Variants in RNPEPL1 observed in about 807,000 individuals in gnomAD.
The protein encoded by RNPEPL1 is aminopeptidase RNPEPL1.
A neutral mutation model predicts 69.0 loss-of-function variants in RNPEPL1; 46 were observed. The observed-to-expected ratio is 0.67, with a 90% confidence interval of 0.53 to 0.85. RNPEPL1 has a LOEUF of 0.85. Among genes scored for constraint, RNPEPL1 ranks in the 40% least tolerant of loss-of-function variants. RNPEPL1 has a pLI of 0.00. For missense variants in RNPEPL1, 869 were observed against 992.5 expected, an observed-to-expected ratio of 0.88 and a Z score of 1.67; for synonymous variants, 525 against 454.1, an observed-to-expected ratio of 1.16 and a Z score of -1.98.
rs765960550 is a variant in RNPEPL1, at chr2:240,577,850, C to A, written c.2136C>A (p.Pro712=). 1.3e-6 allele frequency: 2 copies of A among 1,583,728 alleles called. No individual in the cohort carries two copies. The highest frequency in any genetic ancestry group is 1.7e-6 in the Non-Finnish European group (2 of 1,160,578). The part of the protein sequence containing the change: ...AQALLLGDEA[P]SSAISLRDVN... Reference sequence around the variant, plus strand: ...CCCTGCTGCTTGGGGACGAGGCCCCCAGCAGTGCCATCTCTCTCAGGGACG... The same window carrying A: ...CCCTGCTGCTTGGGGACGAGGCCCCAAGCAGTGCCATCTCTCTCAGGGACG... Residue 712 remains proline (P), a synonymous_variant, in exon 11 of 11, where the codon CCC becomes CCA. Coordinates refer to ENST00000270357, the MANE Select transcript of RNPEPL1 (RefSeq NM_018226.6).
rs775580948 is a variant in RNPEPL1, at chr2:240,575,191, C to T, written c.1401+49C>T. 6.3e-6 allele frequency: 9 copies of T among 1,434,666 alleles called. No homozygotes were observed. In the African/African-American group the frequency reaches 1.3e-4, roughly 20 times the overall value. 88.9% of individuals were successfully genotyped at this position (1,434,666 alleles called of 1,614,324 possible). A position where few individuals can be genotyped will look rare whatever the true frequency, so the allele number is the denominator to read the frequency against. On this transcript the variant is annotated intron_variant, in intron 7 of 10. Coordinates refer to ENST00000270357, the MANE Select transcript of RNPEPL1 (RefSeq NM_018226.6). ...GGCCCTGCTGCCATCTGCCCCCAGC[C>T]CCTCCCCGGCTCACAGGGCTGCCTG...
intron 5 of RNPEPL1, 39 bp from the exon 6 acceptor site, chr2:240,574,476 C>A: frequency 6.3e-7 from 1 of 1,576,186 alleles, no homozygotes; most frequent in Non-Finnish European, 8.7e-7. Context: ...ACGACCCCTA[C>A]ACCCCCTCAC....
intron 3 of RNPEPL1, 21 bp from the exon 4 acceptor site, chr2:240,573,754 C>A: frequency 1.3e-6 from 2 of 1,511,194 alleles, no homozygotes; most frequent in Non-Finnish European, 8.9e-7. Context: ...GGCCTCAGCT[C>A]ACCCTCTCTG....
chr2:240,576,616 G>A lies in RNPEPL1; in HGVS notation c.1592G>A (p.Arg531Gln), dbSNP rs769144569. The A allele has an allele frequency of 9.9e-6, 16 of 1,612,898 alleles. No individual in the cohort carries two copies. The highest frequency in any genetic ancestry group is 5.5e-5 in the South Asian group (5 of 91,092). ...PDLSQGSSLT[R>Q]PVEALFQLWT... ...CTGTCTCAGGGATCCAGCCTGACCC[G>A]GCCCGTGGAGGCCCTTTTCCAGCTG... The change falls in exon 9 of 11, where the codon CGG becomes CAG. Residue 531 changes from arginine (R) to glutamine (Q), a missense_variant. Transcript: ENST00000270357.
At chr2:240,573,337 T>C (rs3997226) in intron 3 of RNPEPL1, 76 bp downstream of exon 3, 11 of 1,458,478 alleles carry the variant, frequency 7.5e-6, no homozygotes, top group Non-Finnish European at 1.0e-5. Context: ...GTGGCCTGTG[T>C]CCACGGCTGC....
Position 240,576,591 on chromosome 2 carries a change from C to T in RNPEPL1, c.1567C>T (p.Leu523=), listed in dbSNP as rs369355339. Reference sequence around the variant, plus strand: ...AGGCCCGCCGCTGGCTGAGCCGGACCTGTCTCAGGGATCCAGCCTGACCCG... The same window carrying T: ...AGGCCCGCCGCTGGCTGAGCCGGACTTGTCTCAGGGATCCAGCCTGACCCG... ...ATGPPLAEPD[L]SQGSSLTRPV... Residue 523 remains leucine (L), a synonymous_variant, in exon 9 of 11, where the codon CTG becomes TTG. Transcript: ENST00000270357. 1.4e-5 allele frequency: 22 copies of T among 1,613,016 alleles called. No homozygotes were observed. The highest frequency in any genetic ancestry group is 4.0e-5 in the African/African-American group (3 of 75,070).
In RNPEPL1 at chr2:240,575,133, C is replaced by T; in HGVS notation, c.1392C>T (p.Asp464=). The T allele has an allele frequency of 6.2e-7, 1 of 1,612,970 alleles. No individual in the cohort carries two copies. Among genetic ancestry groups the T allele is most frequent in the Middle Eastern group, 1.7e-4 (1 of 6,056 alleles). Reference sequence around the variant, plus strand: ...GCGGAGACCCACAGCGCTTTGATGACTTTCTCCGAGTGAGCAGCCCCCTGC... The same window carrying T: ...GCGGAGACCCACAGCGCTTTGATGATTTTCTCCGAGTGAGCAGCCCCCTGC... ...QLCGDPQRFD[D]FLRAYVEKYK... Residue 464 remains aspartate, a synonymous_variant, in exon 7 of 11, where the codon GAC becomes GAT. Transcript: ENST00000270357.
rs1358651075 is a variant in RNPEPL1, at chr2:240,568,904, C to T, written c.318C>T (p.Phe106=). The change falls in exon 1 of 11, where the codon TTC becomes TTT. Residue 106 remains phenylalanine, a synonymous_variant. Transcript: ENST00000270357. The surrounding 1 kb of genome is among the most constrained non-coding windows in gnomAD (Gnocchi z 6.2). The stretch of plus-strand genomic sequence containing the variant: ...CCGAGACGCCCTGCGCCTTCGCCTT[C>T]TCCGCCCCCGGGCCGGGGCCCGCGC... ...AAAETPCAFA[F]SAPGPGPAPP... 2.3e-5 allele frequency: 30 copies of T among 1,278,362 alleles called. No homozygotes were observed. Among genetic ancestry groups the T allele is most frequent in the Non-Finnish European group, 2.8e-5 (28 of 1,017,394 alleles). The allele number at this position is 1,278,362 out of a possible 1,614,324, so 79.2% of individuals were successfully genotyped here. A position where few individuals can be genotyped will look rare whatever the true frequency, so the allele number is the denominator to read the frequency against.
rs754035762 is a variant in RNPEPL1 at position 240,575,123 on chromosome 2, G to T, written c.1382G>T (p.Arg461Leu). Residue 461 changes from arginine (R) to leucine (L), a missense_variant, in exon 7 of 11, where the codon CGC (arginine) becomes CTC (leucine). By Grantham distance (102) the Arg-to-Leu change is moderately radical (BLOSUM62 -2). This residue lies in a region of RNPEPL1 where 610 missense variants were observed against 790.9 expected (regional missense o/e 0.77). Coordinates refer to ENST00000270357, the MANE Select transcript of RNPEPL1 (RefSeq NM_018226.6). ...TCCCAGCTCTGCGGAGACCCACAGC[G>T]CTTTGATGACTTTCTCCGAGTGAGC... Reference protein sequence around the residue: ...YLSQLCGDPQRFDDFLRAYVE... With the variant: ...YLSQLCGDPQLFDDFLRAYVE... The T allele has an allele frequency of 3.7e-6, 6 of 1,613,488 alleles. No homozygotes were observed. Among genetic ancestry groups the T allele is most frequent in the African/African-American group, 1.3e-5 (1 of 75,070 alleles).
rs1488060256 is a variant in RNPEPL1, at chr2:240,574,305, C to T, written c.1131C>T (p.Gly377=). 1 of 1,606,238 alleles carries T rather than the reference C, an allele frequency of 6.2e-7. No individual in the cohort carries two copies. Among genetic ancestry groups the T allele is most frequent in the East Asian group, 2.2e-5 (1 of 44,854 alleles). The change falls in exon 5 of 11, where the codon GGC becomes GGT. Residue 377 remains glycine, a synonymous_variant. Transcript: ENST00000270357. ...GGGAAGAGATGTGGCTGAGCGAGGG[C>T]CTGGCCACCTATGCCCAGCGCCGTA... is the stretch of plus-strand genomic sequence containing the variant. ...ATWEEMWLSE[G]LATYAQRRIT... is the part of the protein sequence containing the mutation.
chr2:240,575,576 G>T lies in RNPEPL1; in HGVS notation c.1476G>T (p.Pro492=). Residue 492 remains proline (P), a synonymous_variant, in exon 8 of 11, where the codon CCG becomes CCT. Coordinates refer to ENST00000270357, the MANE Select transcript of RNPEPL1 (RefSeq NM_018226.6). Reference sequence around the variant, plus strand: ...TGGACTCCTTCCTGAGCTTCTTCCCGGAGCTGAAGGAGCAGAGCGTGGACT... The same window carrying T: ...TGGACTCCTTCCTGAGCTTCTTCCCTGAGCTGAAGGAGCAGAGCGTGGACT... The part of the protein sequence containing the change: ...DLLDSFLSFF[P]ELKEQSVDCR... 6.2e-7 allele frequency: 1 copy of T among 1,613,382 alleles called. No individual in the cohort carries two copies. Among genetic ancestry groups the T allele is most frequent in the Non-Finnish European group, 8.5e-7 (1 of 1,179,988 alleles).
Position 240,576,872 on chromosome 2 carries a change from G to C in RNPEPL1, c.1766G>C (p.Cys589Ser). The C allele has an allele frequency of 6.2e-7, 1 of 1,613,210 alleles. No homozygotes were observed. The highest frequency in any genetic ancestry group is 8.5e-7 in the Non-Finnish European group (1 of 1,179,972). The change falls in exon 10 of 11, where the codon TGC becomes TCC. Residue 589 changes from cysteine (C) to serine (S), a missense_variant. Cys to Ser is a moderately radical substitution (Grantham distance 112). Transcript: ENST00000270357. ...PQEVVMSLSK[C>S]YSSLLDSMNA... ...GAGGTGGTGATGAGCCTGTCCAAGT[G>C]CTACTCCTCCCTGCTGGACTCGATG...
Position 240,578,669 on chromosome 2 carries a change from C to T in RNPEPL1, c.*777C>T, listed in dbSNP as rs2093045300. The T allele has an allele frequency of 1.3e-5, 2 of 152,468 alleles. No homozygotes were observed. Among genetic ancestry groups the T allele is most frequent in the South Asian group, 2.1e-4 (1 of 4,828 alleles). The allele number at this position is 152,468 out of a possible 1,614,324, so 9.4% of individuals were successfully genotyped here. ...GCGGCCAGAGCCTGGGGCCTCCAGCCTGGGACTGCTGTGATGGGGTATCAC... is the reference window on the plus strand; with the variant it reads ...GCGGCCAGAGCCTGGGGCCTCCAGCTTGGGACTGCTGTGATGGGGTATCAC... On this transcript the variant is annotated 3_prime_UTR_variant, in exon 11 of 11. Coordinates refer to ENST00000270357, the MANE Select transcript of RNPEPL1 (RefSeq NM_018226.6).
intron 1 of RNPEPL1, 137 bp from the exon 2 acceptor site, chr2:240,572,286 G>T: frequency 9.9e-7 from 1 of 1,009,716 alleles, no homozygotes; most frequent in Non-Finnish European, 1.4e-6. Flanking sequence ...GGTGGCTATT[G>T]GCCCTCGAAC....
rs529521187 is a variant in RNPEPL1 at position 240,574,468 on chromosome 2, G to A, written c.1175-47G>A. 6.0e-5 allele frequency: 93 copies of A among 1,562,396 alleles called. 1 individual carries two copies. Among genetic ancestry groups the A allele is most frequent in the Middle Eastern group, 5.0e-4 (3 of 5,978 alleles). ...GCCCACACCTCCTGCTTCCCCCGAC[G>A]ACCCCTACACCCCCTCACCTCTCCT... is the stretch of plus-strand genomic sequence containing the variant. On this transcript the variant is annotated intron_variant, in intron 5 of 10. Coordinates refer to ENST00000270357, the MANE Select transcript of RNPEPL1 (RefSeq NM_018226.6).
At chr2:240,574,041 G>C in intron 4 of RNPEPL1, 72 bp from the exon 5 acceptor site, 1 of 1,455,226 alleles carries the variant, frequency 6.9e-7, no homozygotes, top group South Asian at 1.2e-5. Context: ...CTGGGTGGAA[G>C]GTGGGGTGCG....
At chr2:240,575,198 C>A in intron 7 of RNPEPL1, 56 bp downstream of exon 7, 1 of 1,378,318 alleles carries the variant, frequency 7.3e-7, no homozygotes, top group Non-Finnish European at 1.0e-6. Flanking sequence ...AGCCCCTCCC[C>A]GGCTCACAGG....
chr2:240,572,207 G>C (rs922431151), intron 1 of RNPEPL1, among the ~76,000 whole-genome samples: 1 of 152,232 alleles, frequency 6.6e-6, no homozygotes, highest in Non-Finnish European at 1.5e-5. Context: ...TGATGACACA[G>C]TGCAGGCCAC....
intron 1 of RNPEPL1, among the ~76,000 whole-genome samples, chr2:240,569,458 A>G (rs1477396923): frequency 6.6e-6 from 1 of 152,244 alleles, no homozygotes; most frequent in Admixed American, 6.5e-5. Flanking sequence ...AAGGGCCTCC[A>G]TGTGACCAGT....
Sources: gnomAD v4.1 joint callset for allele counts (sites outside exome capture counted in the v4.1 genomes callset) on GRCh38, gnomAD v4.1.1 for gene constraint, gnomAD v4.1.1 regional missense constraint, Gnocchi (gnomAD v3.1) non-coding constraint, MANE v1.5 for transcripts, NCBI Gene and HGNC (gene_info 2026-07-23, HGNC 2026-07-21) for gene names.